WDPCP: variants seen among roughly 807,000 people sequenced by gnomAD.
The protein encoded by WDPCP is WD repeat-containing and planar cell polarity effector protein fritz homolog.
A neutral mutation model predicts 93.1 loss-of-function variants in WDPCP; 71 were observed. That is an observed-to-expected ratio of 0.76 (90% CI 0.63 to 0.93). The LOEUF is 0.93. WDPCP is among the 40% of genes least tolerant of loss of function. The pLI is 0.00. For synonymous variants in WDPCP, 315 were observed against 315.0 expected, an observed-to-expected ratio of 1.00 and a Z score of 0.00; for missense variants, 844 against 887.4, an observed-to-expected ratio of 0.95 and a Z score of 0.62.
chr2:63,602,556 AT>A (rs1036670540), intron 3 of WDPCP, among the ~76,000 whole-genome samples: 27 of 151,834 alleles, frequency 1.8e-4, no homozygotes, highest in African/African-American at 5.3e-4. Context: ...ATATTCACTT[AT>A]TTTTTTCTGT....
intron 2 of WDPCP, among the ~76,000 whole-genome samples, chr2:63,782,740 A>ATGTG (rs70965143): frequency 0.16 from 22,197 of 140,968 alleles, 1,327 homozygotes; most frequent in Middle Eastern, 0.21. Context: ...CACAGGCAAC[A>ATGTG]TGTGTGTGTG....
chr2:63,320,985 A>G (rs895550570), intron 12 of WDPCP, among the ~76,000 whole-genome samples: 1 of 152,070 alleles, frequency 6.6e-6, no homozygotes, highest in Non-Finnish European at 1.5e-5. Flanking sequence ...TAAATAGAAA[A>G]ATGTAAATAT....
chr2:63,567,413 C>A (rs779997595), intron 1 of WDPCP, among the ~76,000 whole-genome samples: 2 of 152,144 alleles, frequency 1.3e-5, no homozygotes, highest in Non-Finnish European at 2.9e-5. Context: ...GAACAAAGAC[C>A]AAGTATATAT....
intron 2 of WDPCP, among the ~76,000 whole-genome samples, chr2:63,789,774 T>A (rs1670519701): frequency 6.6e-6 from 1 of 152,196 alleles, no homozygotes. Context: ...AAATTTATTC[T>A]TTTGAGTTAT....
chr2:63,702,796 G>A (rs1461524688), intron 2 of WDPCP, among the ~76,000 whole-genome samples: 1 of 150,198 alleles, frequency 6.7e-6, no homozygotes, highest in East Asian at 1.9e-4. Context: ...ATGTATACAT[G>A]TGACATGTTG....
chr2:63,493,368 C>T (rs1451893290), intron 1 of WDPCP, among the ~76,000 whole-genome samples: 2 of 152,038 alleles, frequency 1.3e-5, no homozygotes, highest in African/African-American at 4.8e-5. Flanking sequence ...CAAATATTTA[C>T]AATATCCTAC....
intron 14 of WDPCP, among the ~76,000 whole-genome samples, chr2:63,226,178 G>A (rs1678274244): frequency 6.6e-6 from 1 of 151,802 alleles, no homozygotes; most frequent in Non-Finnish European, 1.5e-5. Context: ...AAAGGTAGAT[G>A]AGGAAAACAT....
intron 2 of WDPCP, among the ~76,000 whole-genome samples, chr2:63,718,631 TTGTAG>T (rs1669371103): frequency 6.6e-6 from 1 of 152,230 alleles, no homozygotes; most frequent in Non-Finnish European, 1.5e-5. Context: ...TTTGAGTTCC[TTGTAG>T]ATTCTATATA....
intron 1 of WDPCP, chr2:63,519,164 G>T (rs1445095816): frequency 6.6e-6 from 1 of 151,636 alleles, no homozygotes; most frequent in African/African-American, 2.4e-5. Context: ...TGCACAAAGA[G>T]ATCACCAGAC....
At chr2:63,492,976 A>G in intron 1 of WDPCP, 36 bp from the exon 2 acceptor site, 1 of 1,548,456 alleles carries the variant, frequency 6.5e-7, no homozygotes, top group Non-Finnish European at 8.9e-7. Context: ...GTGCCAATTA[A>G]TTATCTTCTA....
intron 12 of WDPCP, among the ~76,000 whole-genome samples, chr2:63,340,274 G>T (rs1688742499): frequency 6.6e-6 from 1 of 152,108 alleles, no homozygotes; most frequent in Admixed American, 6.6e-5. Context: ...AAATGGTGCG[G>T]TCCTAAAGGG....
At chr2:63,305,413 C>G (rs1685654498) in intron 13 of WDPCP, among the ~76,000 whole-genome samples, 1 of 152,154 alleles carries the variant, frequency 6.6e-6, no homozygotes, top group African/African-American at 2.4e-5. Context: ...TGTTCTGCAG[C>G]CTCTGCTGGT....
intron 12 of WDPCP, among the ~76,000 whole-genome samples, chr2:63,335,896 T>C (rs183201574): frequency 3.1e-3 from 477 of 152,254 alleles, no homozygotes; most frequent in South Asian, 7.9e-3. Context: ...AGACAAAACC[T>C]GCCAAAACCA....
intron 2 of WDPCP, among the ~76,000 whole-genome samples, chr2:63,788,592 A>G (rs895109405): frequency 1.3e-5 from 2 of 152,232 alleles, no homozygotes; most frequent in African/African-American, 4.8e-5. Context: ...ATCATTCATT[A>G]TAATCAACAT....
intron 6 of WDPCP, among the ~76,000 whole-genome samples, chr2:63,461,161 T>C (rs1021918340): frequency 4.6e-5 from 7 of 151,334 alleles, no homozygotes; most frequent in African/African-American, 1.7e-4. Flanking sequence ...ATATAAGGGA[T>C]TGACAGAAGC....
chr2:63,273,602 G>A (rs1682830925), intron 13 of WDPCP, among the ~76,000 whole-genome samples: 1 of 151,792 alleles, frequency 6.6e-6, no homozygotes, highest in Non-Finnish European at 1.5e-5. Context: ...ACCTGTAAAG[G>A]TACAATAAAC....
chr2:63,252,150 G>A (rs1487934514), intron 14 of WDPCP, among the ~76,000 whole-genome samples: 2 of 152,112 alleles, frequency 1.3e-5, no homozygotes, highest in South Asian at 2.1e-4. Context: ...ATCAATAAGC[G>A]TGATTCACCA....
intron 1 of WDPCP, among the ~76,000 whole-genome samples, chr2:63,533,430 T>G (rs1704015063): frequency 6.6e-6 from 1 of 152,130 alleles, no homozygotes; most frequent in Non-Finnish European, 1.5e-5. Context: ...CACATCACAC[T>G]TATTCCAAAA....
intron 2 of WDPCP, chr2:63,717,247 C>T (rs1669351905): frequency 9.3e-6 from 5 of 535,990 alleles, no homozygotes; most frequent in African/African-American, 1.9e-5. Context: ...TGACCTGATG[C>T]GTAAGAAGCA....
Sources: gnomAD v4.1 joint callset for allele counts (sites outside exome capture counted in the v4.1 genomes callset) on GRCh38, gnomAD v4.1.1 for gene constraint, MANE v1.5 for transcripts, NCBI Gene and HGNC (gene_info 2026-07-23, HGNC 2026-07-21) for gene names.